RPS6KC1: variants seen among roughly 807,000 people sequenced by gnomAD.
RPS6KC1 encodes ribosomal protein S6 kinase C1, also known as inactive ribosomal protein S6 kinase delta-1.
A neutral mutation model predicts 103.8 loss-of-function variants in RPS6KC1; 54 were observed. The observed-to-expected ratio is 0.52, with a 90% CI of 0.42 to 0.65. The LOEUF is 0.65. Ranked by LOEUF, RPS6KC1 falls within the 30% of genes least tolerant of loss-of-function variation. The probability of loss-of-function intolerance (pLI) is 0.00; values close to 1 mark genes in which losing one functional copy is unlikely to be tolerated. For missense variants in RPS6KC1, 1,151 were observed against 1,253.8 expected, an observed-to-expected ratio of 0.92 and a Z score of 1.24; for synonymous variants, 439 against 438.7, an observed-to-expected ratio of 1.00 and a Z score of -0.01.
the RPS6KC1 span, among the ~76,000 whole-genome samples, chr1:213,667,485 T>TA: frequency 1.3e-5 from 2 of 152,202 alleles, no homozygotes; most frequent in Non-Finnish European, 2.9e-5. Context: ...ACTTTATTGC[T>TA]AAAAAATGTT....
the RPS6KC1 span, among the ~76,000 whole-genome samples, chr1:213,320,539 A>T: frequency 4.6e-5 from 7 of 152,208 alleles, no homozygotes; most frequent in African/African-American, 1.7e-4. Flanking sequence ...GCCCTGTGCA[A>T]ATCTATTTTT....
intron 7 of RPS6KC1, among the ~76,000 whole-genome samples, chr1:213,174,918 A>T (rs780156668): frequency 6.6e-6 from 1 of 152,158 alleles, no homozygotes; most frequent in African/African-American, 2.4e-5. Context: ...TTTAAAGGTT[A>T]TTATCTAGTC....
chr1:213,751,383 G>A, the RPS6KC1 span, among the ~76,000 whole-genome samples: 3 of 152,170 alleles, frequency 2.0e-5, no homozygotes, highest in Admixed American at 6.5e-5. Context: ...GGAAACACCA[G>A]TGATGATTCC....
intron 6 of RPS6KC1, among the ~76,000 whole-genome samples, chr1:213,155,641 G>T (rs1334766765): frequency 6.6e-6 from 1 of 152,176 alleles, no homozygotes; most frequent in African/African-American, 2.4e-5. Flanking sequence ...GGTGCAGGGG[G>T]TGACGTCAGC....
At chr1:213,714,347 A>G in the RPS6KC1 span, among the ~76,000 whole-genome samples, 1 of 152,390 alleles carries the variant, frequency 6.6e-6, no homozygotes, top group African/African-American at 2.4e-5. Context: ...GATGATTTCC[A>G]AGAAGAAGGA....
the RPS6KC1 span, among the ~76,000 whole-genome samples, chr1:213,778,946 A>C: frequency 2.0e-5 from 3 of 151,870 alleles, no homozygotes; most frequent in Non-Finnish European, 4.4e-5. Flanking sequence ...GGCTCCCAAC[A>C]CTTTCCCAAG....
the RPS6KC1 span, among the ~76,000 whole-genome samples, chr1:213,605,283 T>G: frequency 6.6e-6 from 1 of 152,198 alleles, no homozygotes; most frequent in African/African-American, 2.4e-5. Context: ...GTTCTAAAAA[T>G]TCATTCTTAA....
intron 14 of RPS6KC1, among the ~76,000 whole-genome samples, chr1:213,267,015 G>T (rs528319116): frequency 6.6e-6 from 1 of 151,970 alleles, no homozygotes; most frequent in African/African-American, 2.4e-5. Context: ...TCCCCTTCCT[G>T]CTTGGTCAGG....
At chr1:213,847,342 G>C in the RPS6KC1 span, among the ~76,000 whole-genome samples, 1 of 152,156 alleles carries the variant, frequency 6.6e-6, no homozygotes, top group African/African-American at 2.4e-5. Context: ...GAAAGACCCA[G>C]GAGGTTGCTT....
the RPS6KC1 span, among the ~76,000 whole-genome samples, chr1:213,349,545 G>A: frequency 1.3e-5 from 2 of 152,168 alleles, no homozygotes; most frequent in Non-Finnish European, 2.9e-5. Context: ...GCAGAACTCA[G>A]GCTGGAGTCA....
chr1:213,185,357 G>T (rs2092473443), intron 8 of RPS6KC1, among the ~76,000 whole-genome samples: 1 of 152,108 alleles, frequency 6.6e-6, no homozygotes. Context: ...TTTAATTAGA[G>T]AATTAAGGCC....
the RPS6KC1 span, among the ~76,000 whole-genome samples, chr1:213,474,754 A>C: frequency 6.6e-6 from 1 of 152,184 alleles, no homozygotes; most frequent in Non-Finnish European, 1.5e-5. Context: ...TGGATCTAAT[A>C]AAATGAGGCT....
chr1:213,588,296 CT>C, the RPS6KC1 span, among the ~76,000 whole-genome samples: 3,162 of 138,812 alleles, frequency 0.023, 95 homozygotes, highest in African/African-American at 0.071. Flanking sequence ...AAACCTCTGT[CT>C]TTTTTTTTTT....
At chr1:213,795,028 G>A in the RPS6KC1 span, among the ~76,000 whole-genome samples, 1 of 152,200 alleles carries the variant, frequency 6.6e-6, no homozygotes, top group South Asian at 2.1e-4. Flanking sequence ...GTTTAGGGAT[G>A]CCCCAAAGCA....
chr1:213,514,376 C>G, the RPS6KC1 span, among the ~76,000 whole-genome samples: 2 of 123,788 alleles, frequency 1.6e-5, no homozygotes, highest in African/African-American at 6.0e-5. Flanking sequence ...GCTATCCCTC[C>G]CCCCTCCCCC....
At chr1:213,415,468 G>A in the RPS6KC1 span, among the ~76,000 whole-genome samples, 2 of 152,210 alleles carry the variant, frequency 1.3e-5, no homozygotes, top group Admixed American at 1.3e-4. Context: ...AAGCTAAAGG[G>A]GTCGGCTTCT....
chr1:213,388,505 GC>G, the RPS6KC1 span, among the ~76,000 whole-genome samples: 1 of 152,210 alleles, frequency 6.6e-6, no homozygotes, highest in Non-Finnish European at 1.5e-5. Flanking sequence ...CTTCTATTTT[GC>G]ATAGCCAAGT....
In RPS6KC1 at chr1:213,216,218, T is replaced by G. The variant is rs184345759; in HGVS notation, c.1045-14279T>G. Among the ~76,000 whole-genome samples the G allele has an allele frequency of 6.4e-3, 976 of 152,120 alleles. 2 individuals are homozygous for G. Among genetic ancestry groups the G allele is most frequent in the Non-Finnish European group, 0.01 (703 of 68,002 alleles). The stretch of plus-strand genomic sequence containing the variant: ...CAAATGGAAAACAAAAAAAGGCAGG[T>G]GTTGCAATCCTAGTCTCTGATAAAA... On this transcript the variant is annotated intron_variant, in intron 8 of 14. Transcript: ENST00000366960.
At chr1:213,140,547 G>A (rs1266915790) in intron 6 of RPS6KC1, among the ~76,000 whole-genome samples, 1 of 152,090 alleles carries the variant, frequency 6.6e-6, no homozygotes, top group Non-Finnish European at 1.5e-5. Flanking sequence ...TTAACACAAA[G>A]CGATGTTGAA....
Sources: allele counts gnomAD v4.1 joint callset (sites outside exome capture counted in the v4.1 genomes callset), GRCh38; gene constraint gnomAD v4.1.1; transcripts MANE v1.5; gene names NCBI Gene and HGNC (gene_info 2026-07-23, HGNC 2026-07-21).